Variants in NR3C2 observed in about 807,000 individuals in gnomAD.
NR3C2 encodes the protein mineralocorticoid receptor.
NR3C2 carries 15 observed loss-of-function variants against 86.4 expected under a neutral mutation model. The observed-to-expected ratio is 0.17, with a 90% CI of 0.12 to 0.27. NR3C2 has a LOEUF of 0.27. Ranked by LOEUF, NR3C2 falls within the 10% of genes least tolerant of loss-of-function variation. The pLI is 1.00. For synonymous variants in NR3C2, 458 were observed against 450.5 expected (o/e 1.02, Z -0.21); for missense variants, 960 against 1,195.6 (o/e 0.80, Z 2.91).
At chr4:148,371,720 C>T (rs1579218411) in intron 2 of NR3C2, among the ~76,000 whole-genome samples, 1 of 151,970 alleles carries the variant, frequency 6.6e-6, no homozygotes, top group East Asian at 1.9e-4. Context: ...AAAATAAAAA[C>T]AGTACCTGAC....
At chr4:148,328,407 C>T (rs1242495659) in intron 2 of NR3C2, among the ~76,000 whole-genome samples, 2 of 152,134 alleles carry the variant, frequency 1.3e-5, no homozygotes, top group Admixed American at 6.5e-5. Context: ...AAGGTGGACA[C>T]AATTATGTTC....
At chr4:148,216,169 C>A (rs1401426942) in intron 3 of NR3C2, among the ~76,000 whole-genome samples, 1 of 152,106 alleles carries the variant, frequency 6.6e-6, no homozygotes, top group Non-Finnish European at 1.5e-5. Context: ...TATTTATTAA[C>A]ACTGAAATGT....
At chr4:148,297,891 A>AT (rs1742142013) in intron 2 of NR3C2, among the ~76,000 whole-genome samples, 1 of 144,362 alleles carries the variant, frequency 6.9e-6, no homozygotes, top group African/African-American at 2.6e-5. Context: ...CTCCGTCTCA[A>AT]AAAAAAAAAA....
intron 2 of NR3C2, among the ~76,000 whole-genome samples, chr4:148,266,012 T>C (rs1201264504): frequency 1.3e-5 from 2 of 150,378 alleles, no homozygotes; most frequent in African/African-American, 4.9e-5. Context: ...TGACAGACAC[T>C]GAGATTGGAC....
intron 6 of NR3C2, among the ~76,000 whole-genome samples, chr4:148,143,189 T>G (rs186740674): frequency 6.6e-6 from 1 of 152,352 alleles, no homozygotes; most frequent in African/African-American, 2.4e-5. Context: ...AAGAGCCATC[T>G]TCCTGCACAG....
chr4:148,095,631 G>A (rs1731243735), intron 8 of NR3C2, among the ~76,000 whole-genome samples: 1 of 152,202 alleles, frequency 6.6e-6, no homozygotes, highest in African/African-American at 2.4e-5. Flanking sequence ...AGGCACGTGA[G>A]AGGCATTTGG....
intron 2 of NR3C2, among the ~76,000 whole-genome samples, chr4:148,413,939 T>C (rs1257764278): frequency 6.6e-6 from 1 of 152,186 alleles, no homozygotes; most frequent in Non-Finnish European, 1.5e-5. Flanking sequence ...TACACAGAAA[T>C]TCTACTTCTA....
chr4:148,442,806 G>C, upstream of NR3C2: 2 of 985,436 alleles, frequency 2.0e-6, no homozygotes, highest in Non-Finnish European at 2.4e-6. Context: ...CACCCCCATC[G>C]CTCGGCCGCC....
chr4:148,197,878 C>G (rs1368944166), intron 3 of NR3C2, among the ~76,000 whole-genome samples: 3 of 152,110 alleles, frequency 2.0e-5, no homozygotes, highest in Non-Finnish European at 4.4e-5. Context: ...ATTAAACCAA[C>G]ACAACACACA....
chr4:148,245,911 C>G (rs900760737), intron 3 of NR3C2, among the ~76,000 whole-genome samples: 1 of 152,114 alleles, frequency 6.6e-6, no homozygotes, highest in East Asian at 1.9e-4. Context: ...TTAATCAAAT[C>G]TTAAGCAGTG....
At chr4:148,103,952 A>G (rs1212680460) in intron 8 of NR3C2, among the ~76,000 whole-genome samples, 1 of 152,064 alleles carries the variant, frequency 6.6e-6, no homozygotes, top group African/African-American at 2.4e-5. Flanking sequence ...ATTATTTCCT[A>G]TTTACCACCC....
At chr4:148,237,923 T>C (rs1413843325) in intron 3 of NR3C2, among the ~76,000 whole-genome samples, 1 of 152,160 alleles carries the variant, frequency 6.6e-6, no homozygotes, top group African/African-American at 2.4e-5. Context: ...TTATTCCATT[T>C]ATATAAGATA....
At position 148,209,535 on chromosome 4, in the gene NR3C2, T is replaced by C. The variant is rs145926643; in HGVS notation, c.1898-14673A>G. Reference sequence around the variant, plus strand: ...CTGCTCTCAAACTCCTGGCCTCAAGTGATTCTCCTGCTATGGCCTTCTGAA... The same window carrying C: ...CTGCTCTCAAACTCCTGGCCTCAAGCGATTCTCCTGCTATGGCCTTCTGAA... On this transcript the variant is annotated intron_variant, in intron 3 of 8. Transcript: ENST00000358102. Among the ~76,000 whole-genome samples the C allele has an allele frequency of 8.0e-3, 1,217 of 152,236 alleles. 12 individuals are homozygous for C. Among genetic ancestry groups the C allele is most frequent in the African/African-American group, 0.028 (1,156 of 41,524 alleles).
chr4:148,105,771 A>C (rs1330609831), intron 8 of NR3C2, among the ~76,000 whole-genome samples: 4 of 152,228 alleles, frequency 2.6e-5, no homozygotes, highest in Admixed American at 2.6e-4. Context: ...AACCAAAGAC[A>C]AAAACCACAT....
intron 3 of NR3C2, among the ~76,000 whole-genome samples, chr4:148,258,426 T>C (rs558310331): frequency 1.3e-5 from 2 of 152,282 alleles, no homozygotes; most frequent in South Asian, 2.1e-4. Flanking sequence ...TTCTGAAAAA[T>C]TGGCCTTCTG....
intron 4 of NR3C2, among the ~76,000 whole-genome samples, chr4:148,186,791 A>C (rs986989339): frequency 1.4e-5 from 2 of 146,954 alleles, no homozygotes; most frequent in African/African-American, 2.5e-5. Context: ...AAGTCCCCAG[A>C]GTCCAGTGTA....
At chr4:148,353,165 T>C (rs1376650981) in intron 2 of NR3C2, among the ~76,000 whole-genome samples, 1 of 152,098 alleles carries the variant, frequency 6.6e-6, no homozygotes, top group Non-Finnish European at 1.5e-5. Flanking sequence ...ATCCAGATAA[T>C]ATAGTATTTT....
chr4:148,355,023 T>A (rs1165820262), intron 2 of NR3C2, among the ~76,000 whole-genome samples: 2 of 152,136 alleles, frequency 1.3e-5, no homozygotes, highest in African/African-American at 2.4e-5. Context: ...ATTATTTCAA[T>A]AAAGGGAGGA....
chr4:148,400,806 G>C (rs943690324), intron 2 of NR3C2, among the ~76,000 whole-genome samples: 1 of 146,102 alleles, frequency 6.8e-6, no homozygotes, highest in Non-Finnish European at 1.5e-5. Context: ...AAAAAAAAGA[G>C]AGAGACTGCT....
Sources: allele counts gnomAD v4.1 joint callset (sites outside exome capture counted in the v4.1 genomes callset), GRCh38; gene constraint gnomAD v4.1.1; transcripts MANE v1.5; gene names NCBI Gene and HGNC (gene_info 2026-07-23, HGNC 2026-07-21).